The following NLGN4X variants were observed in gnomAD, a reference collection of about 807,000 sequenced individuals.
NLGN4X encodes neuroligin 4 X-linked.
A neutral mutation model predicts 40.3 loss-of-function variants in NLGN4X; 3 were observed. That is an observed-to-expected ratio of 0.07 (90% CI 0.03 to 0.19). NLGN4X has a LOEUF of 0.19. NLGN4X is among the 10% of genes least tolerant of loss of function. NLGN4X has a pLI of 1.00. For synonymous variants in NLGN4X, 270 were observed against 306.8 expected (o/e 0.88, Z 1.25); for missense variants, 382 against 708.3 (o/e 0.54, Z 5.23).
At chrX:6,077,288 G>C (rs1017290460) in intron 2 of NLGN4X, among the ~76,000 whole-genome samples, 1 of 100,818 alleles carries the variant, frequency 9.9e-6, no homozygotes, top group African/African-American at 3.5e-5. Flanking sequence ...GTGTGTGTGT[G>C]TGTGTGTCTG....
chrX:6,131,251 GTA>G (rs1476489447), intron 2 of NLGN4X, among the ~76,000 whole-genome samples: 1 of 110,958 alleles, frequency 9.0e-6, no homozygotes, highest in Non-Finnish European at 1.9e-5. Context: ...TATCTTCCCT[GTA>G]TATGTTACTC....
chrX:6,209,521 G>C (rs890768573), intron 1 of NLGN4X, among the ~76,000 whole-genome samples: 4 of 111,728 alleles, frequency 3.6e-5, no homozygotes, highest in African/African-American at 6.5e-5. Flanking sequence ...GAGCACCAAA[G>C]TTAGTAAATC....
chrX:5,931,366 T>C (rs187727863), intron 3 of NLGN4X, among the ~76,000 whole-genome samples: 1 of 112,396 alleles, frequency 8.9e-6, no homozygotes, highest in Admixed American at 9.5e-5. Flanking sequence ...TGGGATTCTT[T>C]TTAGAAATAG....
chrX:5,929,087 A>G (rs1450195580), intron 3 of NLGN4X, among the ~76,000 whole-genome samples: 1 of 108,887 alleles, frequency 9.2e-6, no homozygotes, highest in African/African-American at 3.5e-5. Context: ...AAGCTTGTTC[A>G]TTTTGAAAAA....
At chrX:6,120,608 G>C (rs1366819456) in intron 2 of NLGN4X, among the ~76,000 whole-genome samples, 1 of 111,790 alleles carries the variant, frequency 8.9e-6, no homozygotes, top group Non-Finnish European at 1.9e-5. Context: ...AGAAAGTAAG[G>C]AACCTGCTGA....
intron 2 of NLGN4X, among the ~76,000 whole-genome samples, chrX:6,079,682 G>A (rs1791350475): frequency 8.9e-6 from 1 of 112,191 alleles, no homozygotes; most frequent in South Asian, 3.7e-4. Flanking sequence ...ATATCCCAAA[G>A]CACATAATTG....
In NLGN4X at chrX:6,212,805, A is replaced by G. The variant is rs183458815; in HGVS notation, c.-306+15736T>C. Among the ~76,000 whole-genome samples the G allele has an allele frequency of 3.7e-3, 412 of 111,901 alleles. 2 individuals carry two copies. Among genetic ancestry groups the G allele is most frequent in the Middle Eastern group, 9.2e-3 (2 of 217 alleles). On this transcript the variant is annotated intron_variant, in intron 1 of 5. Transcript: ENST00000381095. ...AGTCCCCTCATTTACTTGCTATTCA[A>G]GTGAATAGACTCTCTGGTGTCTACA...
At chrX:5,927,045 T>A (rs768212742) in intron 3 of NLGN4X, among the ~76,000 whole-genome samples, 5 of 111,031 alleles carry the variant, frequency 4.5e-5, no homozygotes, top group African/African-American at 1.6e-4. Flanking sequence ...TATGTACATA[T>A]GTATGTATGT....
chrX:6,046,528 T>C (rs1310212774), intron 2 of NLGN4X, among the ~76,000 whole-genome samples: 1 of 111,690 alleles, frequency 9.0e-6, no homozygotes, highest in Non-Finnish European at 1.9e-5. Flanking sequence ...GAATTAATAA[T>C]GTATGCTTAA....
At chrX:6,028,615 C>T (rs1440575301) in intron 3 of NLGN4X, among the ~76,000 whole-genome samples, 1 of 106,674 alleles carries the variant, frequency 9.4e-6, no homozygotes, top group Non-Finnish European at 1.9e-5. Context: ...GCCAAGATCG[C>T]ACCACTGCAC....
Position 6,151,471 on chromosome X carries a change from C to T in NLGN4X, c.-5G>A. 1 of 1,196,263 alleles carries T rather than the reference C, an allele frequency of 8.4e-7. No individual in the cohort carries two copies. Among genetic ancestry groups the T allele is most frequent in the Non-Finnish European group, 1.1e-6 (1 of 881,695 alleles). ...CAGTCCCTGGGGCCGTGACATGGTT[C>T]AAATCTGCATCCACATCCACAGCTG... On this transcript the variant is annotated 5_prime_UTR_variant, in exon 2 of 6. It removes the in-frame stop codon of an upstream open reading frame in the 5' UTR. Transcript: ENST00000381095.
chrX:5,926,934 T>TTCTATCTATCTATCTATCTATCTATCTA, intron 3 of NLGN4X, among the ~76,000 whole-genome samples: 1 of 96,886 alleles, frequency 1.0e-5, no homozygotes, highest in South Asian at 5.4e-4. Context: ...TCTCTATATC[T>TTCTATCTATCTATCTATCTATCTATCTA]TCTATCTATC....
intron 1 of NLGN4X, among the ~76,000 whole-genome samples, chrX:6,157,490 A>C (rs1481178461): frequency 1.8e-5 from 2 of 111,827 alleles, no homozygotes; most frequent in Non-Finnish European, 3.8e-5. Context: ...GACAACACCA[A>C]AACTTAGAAG....
intron 1 of NLGN4X, among the ~76,000 whole-genome samples, chrX:6,161,044 A>G (rs2040377913): frequency 1.0e-5 from 1 of 95,373 alleles, no homozygotes; most frequent in East Asian, 3.3e-4. Flanking sequence ...ATATTATTCT[A>G]TATATAATAT....
At chrX:6,129,370 G>C (rs887241911) in intron 2 of NLGN4X, among the ~76,000 whole-genome samples, 3 of 111,511 alleles carry the variant, frequency 2.7e-5, no homozygotes, top group Admixed American at 1.9e-4. Flanking sequence ...AACAGAAAAG[G>C]GGAAATCAGT....
At chrX:5,956,191 T>C (rs2034490240) in intron 3 of NLGN4X, among the ~76,000 whole-genome samples, 1 of 108,152 alleles carries the variant, frequency 9.2e-6, no homozygotes, top group Non-Finnish European at 1.9e-5. Context: ...TATATGTGTG[T>C]ATATACACAC....
chrX:5,925,906 A>C (rs1601896885), intron 3 of NLGN4X, among the ~76,000 whole-genome samples: 1 of 44,308 alleles, frequency 2.3e-5, no homozygotes, highest in African/African-American at 1.0e-4. Context: ...ATATATATAT[A>C]TATATATATA....
chrX:5,984,941 A>G (rs1342172841), intron 3 of NLGN4X, among the ~76,000 whole-genome samples: 1 of 112,002 alleles, frequency 8.9e-6, no homozygotes, highest in African/African-American at 3.2e-5. Context: ...AAACATAAAT[A>G]AAATAGTGTA....
chrX:5,965,473 G>A (rs1292149658), intron 3 of NLGN4X, among the ~76,000 whole-genome samples: 3 of 112,190 alleles, frequency 2.7e-5, no homozygotes, highest in African/African-American at 9.7e-5. Flanking sequence ...GAATGTGCAC[G>A]CTTCAGTTAT....
Sources: allele counts gnomAD v4.1 joint callset (sites outside exome capture counted in the v4.1 genomes callset), GRCh38; gene constraint gnomAD v4.1.1; transcripts MANE v1.5; gene names NCBI Gene and HGNC (gene_info 2026-07-23, HGNC 2026-07-21).